OLA1: variants seen among roughly 807,000 people sequenced by gnomAD.
OLA1 encodes the protein Obg like ATPase 1.
In OLA1, 14 loss-of-function variants were observed where a neutral mutation model predicts 48.4. The ratio of observed to expected loss-of-function variants is 0.29; its 90% CI spans 0.19 to 0.45. OLA1 has a LOEUF of 0.45. Ranked by LOEUF, OLA1 falls within the 20% of genes least tolerant of loss-of-function variation. The pLI, the probability that OLA1 is intolerant of heterozygous loss-of-function variation, is 1.00. For missense variants in OLA1, 325 were observed against 467.1 expected (o/e 0.70, Z 2.80); for synonymous variants, 127 against 150.4 (o/e 0.84, Z 1.14).
intron 9 of OLA1, 120 bp from the exon 10 acceptor site, chr2:174,079,210 G>C (rs1343353567): frequency 1.4e-6 from 1 of 722,608 alleles, no homozygotes. Context: ...TATCTGTTAA[G>C]ATGTCAGGTA....
At chr2:174,174,966 C>A (rs1304995612) in intron 4 of OLA1, among the ~76,000 whole-genome samples, 2 of 151,946 alleles carry the variant, frequency 1.3e-5, no homozygotes, top group Non-Finnish European at 2.9e-5. Flanking sequence ...TGCACTTGAC[C>A]TCCTAAACAG....
intron 5 of OLA1, among the ~76,000 whole-genome samples, chr2:174,139,728 G>A (rs1265177746): frequency 1.3e-5 from 2 of 152,034 alleles, no homozygotes; most frequent in Non-Finnish European, 1.5e-5. Context: ...AGCCGGGTGT[G>A]GTGGCATGCA....
At chr2:174,227,078 A>G (rs1574565652) in intron 3 of OLA1, among the ~76,000 whole-genome samples, 2 of 151,842 alleles carry the variant, frequency 1.3e-5, no homozygotes, top group African/African-American at 4.8e-5. Context: ...TGGGCAACAC[A>G]GTAAGATTCT....
chr2:174,135,929 TG>T (rs755740028), intron 5 of OLA1, among the ~76,000 whole-genome samples: 16 of 152,256 alleles, frequency 1.1e-4, no homozygotes, highest in Non-Finnish European at 1.9e-4. Context: ...CACAAATTTT[TG>T]TTTCCTAGTA....
At chr2:174,180,501 G>A (rs1687508816) in intron 4 of OLA1, among the ~76,000 whole-genome samples, 1 of 152,140 alleles carries the variant, frequency 6.6e-6, no homozygotes, top group Non-Finnish European at 1.5e-5. Context: ...TCTGACTGGG[G>A]CAGCAATCTA....
At chr2:174,143,887 T>G (rs1245548306) in intron 4 of OLA1, among the ~76,000 whole-genome samples, 1 of 152,182 alleles carries the variant, frequency 6.6e-6, no homozygotes, top group East Asian at 1.9e-4. Context: ...GAGGATCACT[T>G]GAGCCCAGGA....
intron 5 of OLA1, among the ~76,000 whole-genome samples, chr2:174,131,742 C>T (rs930408050): frequency 1.3e-5 from 2 of 152,024 alleles, no homozygotes; most frequent in African/African-American, 4.8e-5. Flanking sequence ...GAAGTCTCTG[C>T]ATATTTTTCT....
chr2:174,109,441 T>C (rs538062476), intron 7 of OLA1, among the ~76,000 whole-genome samples: 2 of 152,324 alleles, frequency 1.3e-5, no homozygotes, highest in South Asian at 4.1e-4. Context: ...AACTGTGTAA[T>C]TGCTGAAACA....
chr2:174,084,613 T>C (rs771793843), intron 7 of OLA1, among the ~76,000 whole-genome samples: 11 of 152,226 alleles, frequency 7.2e-5, no homozygotes, highest in African/African-American at 9.6e-5. Context: ...AGTGTGATAA[T>C]GAGGCCAAGA....
At chr2:174,132,174 A>G (rs1686197625) in intron 5 of OLA1, among the ~76,000 whole-genome samples, 3 of 152,084 alleles carry the variant, frequency 2.0e-5, no homozygotes. Flanking sequence ...TTAGTAGCCT[A>G]TTGATGTCTA....
intron 4 of OLA1, among the ~76,000 whole-genome samples, chr2:174,147,975 C>T (rs1686651796): frequency 6.6e-6 from 1 of 152,186 alleles, no homozygotes; most frequent in Non-Finnish European, 1.5e-5. Context: ...AGGTGCGTGC[C>T]ACCATGTGTG....
chr2:174,194,840 AACAT>A (rs1005563519), intron 4 of OLA1, among the ~76,000 whole-genome samples: 1 of 152,188 alleles, frequency 6.6e-6, no homozygotes, highest in African/African-American at 2.4e-5. Context: ...TAAAGAATAA[AACAT>A]ACATACATTT....
chr2:174,155,463 A>G (rs1041403344), intron 4 of OLA1, among the ~76,000 whole-genome samples: 1 of 152,236 alleles, frequency 6.6e-6, no homozygotes, highest in Non-Finnish European at 1.5e-5. Context: ...AGTGCTAAGC[A>G]TATCAATCAC....
chr2:174,125,443 T>C (rs1016185970), intron 5 of OLA1, among the ~76,000 whole-genome samples: 5 of 152,118 alleles, frequency 3.3e-5, no homozygotes, highest in Non-Finnish European at 7.4e-5. Context: ...AACAAGATTA[T>C]ACAAAAGAAA....
intron 4 of OLA1, among the ~76,000 whole-genome samples, chr2:174,146,743 A>C (rs1187830668): frequency 6.6e-6 from 1 of 152,236 alleles, no homozygotes; most frequent in Non-Finnish European, 1.5e-5. Context: ...GATACTATTT[A>C]GAGATAAAGA....
intron 3 of OLA1, among the ~76,000 whole-genome samples, chr2:174,228,330 G>A (rs937402416): frequency 6.6e-6 from 1 of 152,120 alleles, no homozygotes. Flanking sequence ...TATTATATTA[G>A]AAATTATTAC....
intron 4 of OLA1, among the ~76,000 whole-genome samples, chr2:174,194,269 G>A (rs1019905276): frequency 1.3e-5 from 2 of 152,108 alleles, no homozygotes; most frequent in Non-Finnish European, 2.9e-5. Context: ...TATACAAGAG[G>A]GTACCAGGTT....
Position 174,075,256 on chromosome 2 carries a change from G to GGA in OLA1, c.*169_*170insTC, listed in dbSNP as rs1553476148. 3.5e-5 allele frequency: 13 copies of GGA among 373,808 alleles called. No homozygotes were observed. Among genetic ancestry groups the GGA allele is most frequent in the African/African-American group, 3.0e-4 (10 of 33,602 alleles). 23.2% of individuals were successfully genotyped at this position (373,808 alleles called of 1,614,324 possible). On this transcript the variant is annotated 3_prime_UTR_variant, in exon 11 of 11. Transcript: ENST00000284719. ...CATTTAGTGAACCTGCATTTCATGG[G>GGA]GGGGGGGGGGTACACAGTATTTTAA...
intron 4 of OLA1, among the ~76,000 whole-genome samples, chr2:174,211,710 A>T (rs997097606): frequency 1.3e-5 from 2 of 152,176 alleles, no homozygotes; most frequent in Non-Finnish European, 2.9e-5. Flanking sequence ...TATCTTTTTC[A>T]AATTTTTTTC....
Sources: allele counts gnomAD v4.1 joint callset (sites outside exome capture counted in the v4.1 genomes callset), GRCh38; gene constraint gnomAD v4.1.1; transcripts MANE v1.5; gene names NCBI Gene and HGNC (gene_info 2026-07-23, HGNC 2026-07-21).